KDM5B: variants seen among roughly 807,000 people sequenced by gnomAD.
KDM5B encodes lysine-specific demethylase 5B.
Under a neutral mutation model 193.4 loss-of-function variants are expected in KDM5B, and 144 were observed. That is an observed-to-expected ratio of 0.74 (90% CI 0.65 to 0.86). KDM5B has a LOEUF of 0.86. Ranked by LOEUF, KDM5B falls within the 40% of genes least tolerant of loss-of-function variation. The pLI, the probability that KDM5B is intolerant of heterozygous loss-of-function variation, is 0.00. For missense variants in KDM5B, 1,833 were observed against 1,886.9 expected, an observed-to-expected ratio of 0.97 and a Z score of 0.53; for synonymous variants, 668 against 682.6, an observed-to-expected ratio of 0.98 and a Z score of 0.33.
intron 6 of KDM5B, 142 bp from the exon 7 acceptor site, chr1:202,762,950 T>C (rs1165809119): frequency 1.8e-5 from 11 of 596,122 alleles, no homozygotes; most frequent in Non-Finnish European, 3.3e-5. Context: ...CAGTATACTT[T>C]ATTCAAGGGC....
Position 202,767,999 on chromosome 1 carries a change from T to C in KDM5B, c.577-939A>G, listed in dbSNP as rs368600097. Among the ~76,000 whole-genome samples, 3 of 152,350 alleles carry C rather than the reference T, an allele frequency of 2.0e-5. No homozygotes were observed. In the East Asian group the frequency reaches 5.8e-4, roughly 29 times the overall value. On this transcript the variant is annotated intron_variant, in intron 4 of 26. Coordinates refer to ENST00000367265, the MANE Select transcript of KDM5B (RefSeq NM_006618.5). ...GTTTCAGATATAACTAGCAAAGTTATCATCCAAAGATATCACCTGAATTGA... is the reference window on the plus strand; with the variant it reads ...GTTTCAGATATAACTAGCAAAGTTACCATCCAAAGATATCACCTGAATTGA...
chr1:202,790,264 A>AAATG (rs538446481), intron 1 of KDM5B, among the ~76,000 whole-genome samples: 1,167 of 106,080 alleles, frequency 0.011, 17 homozygotes, highest in African/African-American at 0.029. Context: ...ACTGTCTCAT[A>AAATG]AATGAATGAA....
chr1:202,769,040 C>CTTT (rs527911947), intron 4 of KDM5B, among the ~76,000 whole-genome samples: 1 of 119,600 alleles, frequency 8.4e-6, no homozygotes, highest in African/African-American at 3.1e-5. Context: ...CTTTTTTTTT[C>CTTT]TTTTTTTTTT....
Position 202,800,111 on chromosome 1 carries a change from T to C in KDM5B, c.204+7991A>G, listed in dbSNP as rs181757677. Among the ~76,000 whole-genome samples, 54 of 150,740 alleles carry C rather than the reference T, an allele frequency of 3.6e-4. No individual in the cohort carries two copies. In the East Asian group the frequency reaches 8.4e-3, roughly 24 times the overall value. On this transcript the variant is annotated intron_variant, in intron 1 of 26. Transcript: ENST00000367265. ...CAGGCTGGAGTGCAGTGGTGCGATA[T>C]CGGCTCACTGCAATCTCCACCTCCC...
Position 202,729,063 on chromosome 1 carries a change from A to G in KDM5B, c.4608T>C (p.Thr1536=), listed in dbSNP as rs1654774505. The G allele has an allele frequency of 6.2e-7, 1 of 1,613,984 alleles. No homozygotes were observed. The highest frequency in any genetic ancestry group is 8.5e-7 in the Non-Finnish European group (1 of 1,179,988). ...EKEDYICVRC[T]VKDAPSRK ...ACTTTCGGCTTGGTGCGTCCTTCAC[A>G]GTACAGCGCACACAGATGTAGTCTT... is the stretch of plus-strand genomic sequence containing the variant. Residue 1536 remains threonine, a synonymous_variant, in exon 27 of 27, where the codon ACT becomes ACC. Coordinates refer to ENST00000367265, the MANE Select transcript of KDM5B (RefSeq NM_006618.5).
At chr1:202,772,979 G>A (rs187436806) in intron 4 of KDM5B, 139 bp downstream of exon 4, 1 of 608,358 alleles carries the variant, frequency 1.6e-6, no homozygotes, top group African/African-American at 1.9e-5. Flanking sequence ...TTACAGGAGT[G>A]AGCCACCGCG....
chr1:202,746,353 C>G, intron 14 of KDM5B, 30 bp from the exon 15 acceptor site: 1 of 1,485,222 alleles, frequency 6.7e-7, no homozygotes, highest in Non-Finnish European at 9.2e-7. Flanking sequence ...AGAGAGACCT[C>G]CAAAGGATAA....
At chr1:202,768,980 C>G (rs1377843361) in intron 4 of KDM5B, among the ~76,000 whole-genome samples, 1 of 151,780 alleles carries the variant, frequency 6.6e-6, no homozygotes. Context: ...TCCCAAAGTG[C>G]TGGGATTACA....
intron 22 of KDM5B, among the ~76,000 whole-genome samples, chr1:202,735,139 G>A (rs1655045095): frequency 6.6e-6 from 1 of 152,072 alleles, no homozygotes; most frequent in Admixed American, 6.6e-5. Flanking sequence ...ATTAATATTA[G>A]TCTCAATATC....
chr1:202,753,168 A>G, intron 11 of KDM5B, 101 bp from the exon 12 acceptor site: 1 of 991,002 alleles, frequency 1.0e-6, no homozygotes, highest in Non-Finnish European at 1.5e-6. Flanking sequence ...AGACTACGCA[A>G]AAAAGGAATC....
chr1:202,736,932 C>T (rs1341132057), intron 20 of KDM5B, among the ~76,000 whole-genome samples: 1 of 152,140 alleles, frequency 6.6e-6, no homozygotes, highest in Non-Finnish European at 1.5e-5. Flanking sequence ...AGCCACTGTG[C>T]TGGGCCTAGA....
At chr1:202,779,704 G>A (rs1657115438) in intron 1 of KDM5B, among the ~76,000 whole-genome samples, 1 of 151,846 alleles carries the variant, frequency 6.6e-6, no homozygotes, top group African/African-American at 2.4e-5. Flanking sequence ...TCAGGAGTCT[G>A]AGGCAGGAGA....
chr1:202,772,407 AC>A (rs763974920), intron 4 of KDM5B, among the ~76,000 whole-genome samples: 19 of 152,210 alleles, frequency 1.2e-4, no homozygotes, highest in Non-Finnish European at 2.2e-4. Flanking sequence ...ATCCCCTTTT[AC>A]CATATCAACA....
intron 8 of KDM5B, among the ~76,000 whole-genome samples, chr1:202,759,778 A>G (rs6427964): frequency 0.78 from 118,593 of 152,150 alleles, 47,282 homozygotes; most frequent in Admixed American, 0.86. Flanking sequence ...CAGTGGTTAT[A>G]TATGCATTGT....
intron 16 of KDM5B, among the ~76,000 whole-genome samples, chr1:202,743,293 T>C (rs1323298203): frequency 4.0e-5 from 5 of 124,860 alleles, no homozygotes; most frequent in South Asian, 2.6e-4. Context: ...GCCACGACCA[T>C]GCCACTGCAC....
chr1:202,789,614 AT>A (rs1657559971), intron 1 of KDM5B, among the ~76,000 whole-genome samples: 1 of 149,710 alleles, frequency 6.7e-6, no homozygotes, highest in Non-Finnish European at 1.5e-5. Flanking sequence ...GGAAAGGGGA[AT>A]GGAAAGGAAA....
At chr1:202,797,610 A>T (rs949454591) in intron 1 of KDM5B, among the ~76,000 whole-genome samples, 4 of 152,208 alleles carry the variant, frequency 2.6e-5, no homozygotes, top group Non-Finnish European at 5.9e-5. Context: ...GATAATTGCA[A>T]AATTACTAGA....
Position 202,741,712 on chromosome 1 carries a change from T to A in KDM5B, c.2600A>T (p.Asn867Ile), listed in dbSNP as rs759644295. The A allele has an allele frequency of 3.1e-6, 5 of 1,594,818 alleles. No individual in the cohort carries two copies. Among genetic ancestry groups the A allele is most frequent in the Non-Finnish European group, 4.3e-6 (5 of 1,168,316 alleles). The stretch of plus-strand genomic sequence containing the variant: ...ATGCTGTTGAAAATCTTCTACACGA[T>A]TCAAGAGATCCTAAAAAAAAATACA... ...SQTPLLKDLL[N>I]RVEDFQQHSQ... The change falls in exon 19 of 27, where the codon AAT (asparagine) becomes ATT (isoleucine). Residue 867 changes from asparagine to isoleucine, a missense_variant. By Grantham distance (149) the Asn-to-Ile change is moderately radical. Around this residue, in one of 3 missense-constraint regions of KDM5B, gnomAD observed 1,379 missense variants for 1,349.6 expected, o/e 1.02. Coordinates refer to ENST00000367265, the MANE Select transcript of KDM5B (RefSeq NM_006618.5).
At chr1:202,762,655 AAGGAAAAC>A (rs1352166194) in intron 7 of KDM5B, 36 bp downstream of exon 7, 2 of 1,108,810 alleles carry the variant, frequency 1.8e-6, no homozygotes, top group East Asian at 2.3e-5. Flanking sequence ...GGAAGGGAAG[AAGGAAAAC>A]AGGAAAGAAA....
Sources: gnomAD v4.1 joint callset for allele counts (sites outside exome capture counted in the v4.1 genomes callset) on GRCh38, gnomAD v4.1.1 for gene constraint, gnomAD v4.1.1 regional missense constraint, MANE v1.5 for transcripts, NCBI Gene and HGNC (gene_info 2026-07-23, HGNC 2026-07-21) for gene names.